TMEM35A: variants seen among roughly 807,000 people sequenced by gnomAD.
TMEM35A encodes the protein transmembrane protein 35A.
For synonymous variants in TMEM35A, 50 were observed against 54.7 expected (o/e 0.91, Z 0.38); for missense variants, 83 against 132.7 (o/e 0.63, Z 1.84).
At chrX:101,092,229 C>T (rs2089326245) in intron 1 of TMEM35A, among the ~76,000 whole-genome samples, 1 of 110,210 alleles carries the variant, frequency 9.1e-6, no homozygotes, top group Non-Finnish European at 1.9e-5. Context: ...AGAAAATAAA[C>T]ATTGAATGAA....
At chrX:101,081,206 A>G (rs991313247) in intron 1 of TMEM35A, among the ~76,000 whole-genome samples, 1 of 112,606 alleles carries the variant, frequency 8.9e-6, no homozygotes, top group Non-Finnish European at 1.9e-5. Context: ...GGGAATGGAA[A>G]GATTGTATCT....
rs1351469059 is a variant in TMEM35A, at chrX:101,096,289, AT to A, written c.*1335del. ...TTATTATTGTGTTTTCTTCAGTGTAATTGTTCTTGGTAATTGATACCTCTCT... is the reference window on the plus strand; with the variant it reads ...TTATTATTGTGTTTTCTTCAGTGTAATGTTCTTGGTAATTGATACCTCTCT... On this transcript the variant is annotated 3_prime_UTR_variant, in exon 2 of 2. Coordinates refer to ENST00000372930, the MANE Select transcript of TMEM35A (RefSeq NM_021637.3). 1 of 110,979 alleles carries A rather than the reference AT, an allele frequency of 9.0e-6. No homozygotes were observed. The highest frequency in any genetic ancestry group is 1.9e-5 in the Non-Finnish European group (1 of 52,933). The allele number at this position is 110,979 out of a possible 1,213,427, so 9.1% of individuals were successfully genotyped here.
chrX:101,093,731 TA>T (rs1336900784), intron 1 of TMEM35A, among the ~76,000 whole-genome samples: 9 of 112,380 alleles, frequency 8.0e-5, no homozygotes, highest in Admixed American at 1.9e-4. Context: ...ACTGGTATAA[TA>T]AAATAGCATA....
At chrX:101,079,164 G>A in intron 1 of TMEM35A, 42 bp downstream of exon 1, 1 of 1,199,493 alleles carries the variant, frequency 8.3e-7, no homozygotes, top group Non-Finnish European at 1.1e-6. Flanking sequence ...ACTCCCATGG[G>A]ATTGCGAGGA....
intron 1 of TMEM35A, among the ~76,000 whole-genome samples, chrX:101,092,195 C>CA (rs1333518329): frequency 2.0e-3 from 184 of 91,871 alleles, no homozygotes; most frequent in East Asian, 0.013. Flanking sequence ...TCCTGGAAAG[C>CA]AAAAAAAAAA....
chrX:101,083,916 G>C (rs980697487), intron 1 of TMEM35A, among the ~76,000 whole-genome samples: 1 of 110,910 alleles, frequency 9.0e-6, no homozygotes, highest in African/African-American at 3.3e-5. Flanking sequence ...TGACTGGTAC[G>C]ATCAAGCATG....
In TMEM35A at chrX:101,096,303, T is replaced by C; in HGVS notation, c.*1347T>C. Reference sequence around the variant, plus strand: ...TCTTCAGTGTAATTGTTCTTGGTAATTGATACCTCTCTGTTTTATTTCTCT... The same window carrying C: ...TCTTCAGTGTAATTGTTCTTGGTAACTGATACCTCTCTGTTTTATTTCTCT... On this transcript the variant is annotated 3_prime_UTR_variant, in exon 2 of 2. Transcript: ENST00000372930. 1 of 111,674 alleles carries C rather than the reference T, an allele frequency of 9.0e-6. No individual in the cohort carries two copies. Among genetic ancestry groups the C allele is most frequent in the South Asian group, 3.8e-4 (1 of 2,653 alleles). 9.2% of individuals were successfully genotyped at this position (111,674 alleles called of 1,213,427 possible).
chrX:101,079,458 A>G (rs2089285476), intron 1 of TMEM35A, among the ~76,000 whole-genome samples: 1 of 111,506 alleles, frequency 9.0e-6, no homozygotes, highest in Non-Finnish European at 1.9e-5. Context: ...AGTCCGGGCA[A>G]CCAGTATACA....
At chrX:101,091,029 C>T (rs2089322710) in intron 1 of TMEM35A, among the ~76,000 whole-genome samples, 1 of 110,228 alleles carries the variant, frequency 9.1e-6, no homozygotes, top group South Asian at 3.9e-4. Flanking sequence ...TTAGTAGAGA[C>T]GGAGTTTCAT....
At chrX:101,087,106 G>A (rs1002629595) in intron 1 of TMEM35A, among the ~76,000 whole-genome samples, 4 of 110,266 alleles carry the variant, frequency 3.6e-5, no homozygotes, top group Non-Finnish European at 5.7e-5. Context: ...ACAGGCATGC[G>A]CCACTACACC....
At chrX:101,089,479 T>C (rs1467574366) in intron 1 of TMEM35A, among the ~76,000 whole-genome samples, 1 of 109,538 alleles carries the variant, frequency 9.1e-6, no homozygotes, top group Non-Finnish European at 1.9e-5. Flanking sequence ...TCCAGGCTTG[T>C]TCAGGACCTT....
chrX:101,087,917 C>T (rs759443600), intron 1 of TMEM35A, among the ~76,000 whole-genome samples: 1 of 111,015 alleles, frequency 9.0e-6, no homozygotes, highest in African/African-American at 3.3e-5. Flanking sequence ...GAGGCTGAGG[C>T]GGGAGAATCA....
intron 1 of TMEM35A, among the ~76,000 whole-genome samples, chrX:101,087,436 G>A (rs59103562): frequency 0.099 from 11,081 of 111,650 alleles, 1,359 homozygotes; most frequent in African/African-American, 0.34. Context: ...TTGATTAAAT[G>A]GTGTATCCAC....
At chrX:101,082,432 A>G (rs1446788034) in intron 1 of TMEM35A, among the ~76,000 whole-genome samples, 1 of 62,755 alleles carries the variant, frequency 1.6e-5, no homozygotes, top group Non-Finnish European at 2.6e-5. Context: ...AGACCATCCT[A>G]AGGGCGGGGG....
In TMEM35A at chrX:101,095,089, C is replaced by G. The variant is rs2089335197; in HGVS notation, c.*133C>G. On this transcript the variant is annotated 3_prime_UTR_variant, in exon 2 of 2. Transcript: ENST00000372930. The stretch of plus-strand genomic sequence containing the variant: ...AAATGTAATCTGCAAGTTAATGACC[C>G]TATTGGCTTGTGTACATCTATATGC... The G allele has an allele frequency of 4.0e-6, 3 of 757,501 alleles. No individual in the cohort carries two copies. In the Admixed American group the frequency reaches 1.2e-4, roughly 31 times the overall value. The allele number at this position is 757,501 out of a possible 1,213,427, so 62.4% of individuals were successfully genotyped here.
chrX:101,093,475 G>A (rs1425103129), intron 1 of TMEM35A, among the ~76,000 whole-genome samples: 20 of 109,474 alleles, frequency 1.8e-4, no homozygotes, highest in Non-Finnish European at 1.9e-4. Context: ...CACCACACCC[G>A]GCTAATTTTT....
At chrX:101,085,585 A>T (rs1217747252) in intron 1 of TMEM35A, among the ~76,000 whole-genome samples, 1 of 109,614 alleles carries the variant, frequency 9.1e-6, no homozygotes, top group East Asian at 2.9e-4. Flanking sequence ...TGGGCGACAG[A>T]GTAAGAATCC....
intron 1 of TMEM35A, among the ~76,000 whole-genome samples, chrX:101,081,317 G>A (rs902947568): frequency 8.9e-6 from 1 of 112,535 alleles, no homozygotes; most frequent in Non-Finnish European, 1.9e-5. Context: ...ACTGGAGATT[G>A]CTCTCTGGCA....
In TMEM35A at chrX:101,095,316, C is replaced by T. The variant is rs752974409; in HGVS notation, c.*360C>T. The T allele has an allele frequency of 8.4e-3, 1,056 of 126,044 alleles. 15 individuals carry two copies. The highest frequency in any genetic ancestry group is 0.031 in the African/African-American group (843 of 27,607). 10.4% of individuals were successfully genotyped at this position (126,044 alleles called of 1,213,427 possible). A position where few individuals can be genotyped will look rare whatever the true frequency, so the allele number is the denominator to read the frequency against. ...GTGTGTGTGTGTGTGTGTGTGCGCG[C>T]GCGCGCGCACGCGCACACACTCACG... On this transcript the variant is annotated 3_prime_UTR_variant, in exon 2 of 2. Transcript: ENST00000372930.
Sources: gnomAD v4.1 joint callset for allele counts (sites outside exome capture counted in the v4.1 genomes callset) on GRCh38, gnomAD v4.1.1 for gene constraint, MANE v1.5 for transcripts, NCBI Gene and HGNC (gene_info 2026-07-23, HGNC 2026-07-21) for gene names.